Variants in TMCC1 observed in about 807,000 individuals in gnomAD.
The protein encoded by TMCC1 is transmembrane and coiled-coil domain family 1, also known as transmembrane and coiled-coil domains protein 1.
A neutral mutation model predicts 52.4 loss-of-function variants in TMCC1; 15 were observed. The ratio of observed to expected loss-of-function variants is 0.29; its 90% confidence interval spans 0.19 to 0.44. The LOEUF (loss-of-function observed/expected upper bound fraction) is 0.44, where lower values mean the gene tolerates loss of function less well. TMCC1 is among the 20% of genes least tolerant of loss of function. The pLI, the probability that TMCC1 is intolerant of heterozygous loss-of-function variation, is 1.00. For synonymous variants in TMCC1, 279 were observed against 301.9 expected, an observed-to-expected ratio of 0.92 and a Z score of 0.79; for missense variants, 503 against 806.0, an observed-to-expected ratio of 0.62 and a Z score of 4.55.
chr3:129,750,026 G>A (rs1437264794), intron 4 of TMCC1, among the ~76,000 whole-genome samples: 2 of 152,222 alleles, frequency 1.3e-5, no homozygotes, highest in South Asian at 2.1e-4. Context: ...TGCATATGAT[G>A]CATTATTATG....
At chr3:129,753,733 C>T (rs149265260) in intron 4 of TMCC1, among the ~76,000 whole-genome samples, 26 of 152,170 alleles carry the variant, frequency 1.7e-4, no homozygotes, top group Non-Finnish European at 2.2e-4. Flanking sequence ...AAACCTATAG[C>T]TGACATCACA....
chr3:129,771,774 C>CAAAAA (rs755523077), intron 4 of TMCC1, among the ~76,000 whole-genome samples: 47 of 75,636 alleles, frequency 6.2e-4, no homozygotes, highest in African/African-American at 7.9e-4. Flanking sequence ...GACACTGTCT[C>CAAAAA]AAAAAAAAAA....
intron 4 of TMCC1, among the ~76,000 whole-genome samples, chr3:129,720,304 A>G (rs2049468256): frequency 6.6e-6 from 1 of 152,024 alleles, no homozygotes; most frequent in Non-Finnish European, 1.5e-5. Flanking sequence ...GTGAAATGTT[A>G]GCAAATGTGA....
intron 4 of TMCC1, among the ~76,000 whole-genome samples, chr3:129,677,548 A>G (rs1312680145): frequency 6.6e-6 from 1 of 152,240 alleles, no homozygotes; most frequent in Non-Finnish European, 1.5e-5. Context: ...AAATACTTCA[A>G]TGATACAGTG....
Position 129,828,416 on chromosome 3 carries a change from A to T in TMCC1, c.-38T>A, listed in dbSNP as rs955851916. 1.7e-5 allele frequency: 27 copies of T among 1,582,948 alleles called. No homozygotes were observed. The highest frequency in any genetic ancestry group is 8.1e-5 in the South Asian group (7 of 85,938). On this transcript the variant is annotated 5_prime_UTR_variant, in exon 4 of 7. Coordinates refer to ENST00000393238, the MANE Select transcript of TMCC1 (RefSeq NM_001017395.5). This position sits in a 1 kb window ranked among gnomAD's most constrained non-coding sequence, Gnocchi z 4.1. Reference sequence around the variant, plus strand: ...TATGCTTATTTGCAAACTCAAAAAAATTTTTTAAACACACCAAGAGTGTCA... The same window carrying T: ...TATGCTTATTTGCAAACTCAAAAAATTTTTTTAAACACACCAAGAGTGTCA...
intron 4 of TMCC1, among the ~76,000 whole-genome samples, chr3:129,808,482 AAATAATAAT>A (rs556320460): frequency 2.0e-5 from 3 of 150,942 alleles, no homozygotes; most frequent in Admixed American, 1.3e-4. Context: ...ACTCCATCTC[AAATAATAAT>A]AATAATAATA....
chr3:129,760,295 G>A (rs566324451), intron 4 of TMCC1, among the ~76,000 whole-genome samples: 2 of 152,032 alleles, frequency 1.3e-5, no homozygotes, highest in South Asian at 4.2e-4. Flanking sequence ...CCGCAGCCTC[G>A]AGCTTCTGGG....
At chr3:129,836,406 C>G (rs1327413905) in intron 2 of TMCC1, among the ~76,000 whole-genome samples, 1 of 152,126 alleles carries the variant, frequency 6.6e-6, no homozygotes, top group Non-Finnish European at 1.5e-5. Flanking sequence ...AAAATATACT[C>G]TTTCAAGCAG....
chr3:129,709,117 A>C (rs1422027939), intron 4 of TMCC1, among the ~76,000 whole-genome samples: 1 of 152,156 alleles, frequency 6.6e-6, no homozygotes, highest in Admixed American at 6.5e-5. Flanking sequence ...TTTAAGATTA[A>C]ATAACTAAAC....
chr3:129,780,337 C>T (rs1048810731), intron 4 of TMCC1, among the ~76,000 whole-genome samples: 1 of 152,090 alleles, frequency 6.6e-6, no homozygotes, highest in East Asian at 1.9e-4. Flanking sequence ...TCCAGGGTCT[C>T]TTCCTCTACT....
In TMCC1 at chr3:129,775,467, G is replaced by A. The variant is rs373702563; in HGVS notation, c.576+52336C>T. Among the ~76,000 whole-genome samples, 15 of 151,252 alleles carry A rather than the reference G, an allele frequency of 9.9e-5. No homozygotes were observed. In the East Asian group the frequency reaches 1.4e-3, roughly 14 times the overall value. ...GGGTGACAGGGCAAGACCCTGTCTC[G>A]AAAAAAAAGAAAAAGAAATTAAACA... On this transcript the variant is annotated intron_variant, in intron 4 of 6. Coordinates refer to ENST00000393238, the MANE Select transcript of TMCC1 (RefSeq NM_001017395.5).
At chr3:129,763,337 G>C (rs540441102) in intron 4 of TMCC1, among the ~76,000 whole-genome samples, 1 of 150,140 alleles carries the variant, frequency 6.7e-6, no homozygotes, top group East Asian at 1.9e-4. Flanking sequence ...GAGCTCAGGA[G>C]TTTGAGACCA....
intron 4 of TMCC1, among the ~76,000 whole-genome samples, chr3:129,798,431 C>G (rs1314101901): frequency 6.7e-6 from 1 of 148,602 alleles, no homozygotes; most frequent in Non-Finnish European, 1.5e-5. Flanking sequence ...AATGAAGTGC[C>G]TTACAGAAAG....
intron 4 of TMCC1, among the ~76,000 whole-genome samples, chr3:129,691,923 A>G (rs1222049816): frequency 6.6e-6 from 1 of 152,218 alleles, no homozygotes; most frequent in Non-Finnish European, 1.5e-5. Context: ...ACATATATAT[A>G]TGTCAAACAT....
intron 1 of TMCC1, among the ~76,000 whole-genome samples, chr3:129,890,403 T>C (rs1172201283): frequency 1.3e-5 from 2 of 152,258 alleles, no homozygotes; most frequent in Non-Finnish European, 2.9e-5. Context: ...AAGGACAGTA[T>C]GTATGTGAGC....
chr3:129,722,613 C>T (rs370686672), intron 4 of TMCC1, among the ~76,000 whole-genome samples: 1 of 152,102 alleles, frequency 6.6e-6, no homozygotes, highest in African/African-American at 2.4e-5. Context: ...CCCTCCCCCA[C>T]CTGACTATCA....
intron 2 of TMCC1, among the ~76,000 whole-genome samples, chr3:129,842,025 A>C (rs2059442441): frequency 6.6e-6 from 1 of 152,236 alleles, no homozygotes; most frequent in Non-Finnish European, 1.5e-5. Context: ...GTTCCTAAGA[A>C]GACATAACAA....
chr3:129,715,586 T>C (rs2107579470), intron 4 of TMCC1, among the ~76,000 whole-genome samples: 1 of 152,308 alleles, frequency 6.6e-6, no homozygotes, highest in South Asian at 2.1e-4. Context: ...GTGCTTGAAG[T>C]GAAACGTACA....
At chr3:129,847,036 A>C (rs2059698091) in intron 2 of TMCC1, 1 of 152,134 alleles carries the variant, frequency 6.6e-6, no homozygotes, top group East Asian at 1.9e-4. Flanking sequence ...ATTTTGAAAA[A>C]AGAATGCTGT....
Sources: gnomAD v4.1 joint callset for allele counts (sites outside exome capture counted in the v4.1 genomes callset) on GRCh38, gnomAD v4.1.1 for gene constraint, Gnocchi (gnomAD v3.1) non-coding constraint, MANE v1.5 for transcripts, NCBI Gene and HGNC (gene_info 2026-07-23, HGNC 2026-07-21) for gene names.